Variants in KCNQ1 observed in about 807,000 individuals in gnomAD.
KCNQ1 encodes the protein potassium voltage-gated channel subfamily KQT member 1.
A neutral mutation model predicts 72.4 loss-of-function variants in KCNQ1; 49 were observed. The ratio of observed to expected loss-of-function variants is 0.68; its 90% CI spans 0.54 to 0.86. The LOEUF (loss-of-function observed/expected upper bound fraction) is 0.86, where lower values mean the gene tolerates loss of function less well. Among genes scored for constraint, KCNQ1 ranks in the 40% least tolerant of loss-of-function variants. The probability of loss-of-function intolerance (pLI) is 0.00; values close to 1 mark genes in which losing one functional copy is unlikely to be tolerated. For synonymous variants in KCNQ1, 450 were observed against 412.6 expected, an observed-to-expected ratio of 1.09 and a Z score of -1.10; for missense variants, 790 against 945.1, an observed-to-expected ratio of 0.84 and a Z score of 2.15.
At chr11:2,501,718 CAAAAAAAAAAAAAA>C (rs55865890) in intron 1 of KCNQ1, among the ~76,000 whole-genome samples, 32 of 68,908 alleles carry the variant, frequency 4.6e-4, no homozygotes, top group East Asian at 1.8e-3. Flanking sequence ...AAAGATACAT[CAAAAAAAAAAAAAA>C]AAAAAAAAAA....
At position 2,768,733 on chromosome 11, in the gene KCNQ1, C is replaced by T; in HGVS notation, c.1515-111C>T. 1.2e-6 allele frequency: 1 copy of T among 855,652 alleles called. No individual in the cohort carries two copies. Among genetic ancestry groups the T allele is most frequent in the Admixed American group, 1.8e-5 (1 of 55,062 alleles). 53.0% of individuals were successfully genotyped at this position (855,652 alleles called of 1,614,324 possible). A position where few individuals can be genotyped will look rare whatever the true frequency, so the allele number is the denominator to read the frequency against. On this transcript the variant is annotated intron_variant, in intron 11 of 15. Coordinates refer to ENST00000155840, the MANE Select transcript of KCNQ1 (RefSeq NM_000218.3). The surrounding 1 kb of genome is among the most constrained non-coding windows in gnomAD (Gnocchi z 6.7). ...CCATCCCATGGAGTTGAACACTCTC[C>T]TTGTTTCTGGAAGGATCCAGTCTGC...
rs1268799715 is a variant in KCNQ1, at chr11:2,471,476, C to T, written c.386+25992C>T. 6.6e-6 allele frequency among the ~76,000 whole-genome samples: 1 copy of T among 152,260 alleles called. No homozygotes were observed. Among genetic ancestry groups the T allele is most frequent in the Admixed American group, 6.5e-5 (1 of 15,290 alleles). On this transcript the variant is annotated intron_variant, in intron 1 of 15. Coordinates refer to ENST00000155840, the MANE Select transcript of KCNQ1 (RefSeq NM_000218.3). This position sits in a 1 kb window ranked among gnomAD's most constrained non-coding sequence, Gnocchi z 4.8. ...CCTGCGAGATCCATCTCGCCCCACA[C>T]ACCACCAGGTCCCCAGGACTTGGAG...
At position 2,734,673 on chromosome 11, in the gene KCNQ1, G is replaced by C. The variant is rs1006117682; in HGVS notation, c.1515-34171G>C. Among the ~76,000 whole-genome samples the C allele has an allele frequency of 1.3e-5, 2 of 152,012 alleles. No homozygotes were observed. The highest frequency in any genetic ancestry group is 4.8e-5 in the African/African-American group (2 of 41,380). On this transcript the variant is annotated intron_variant, in intron 11 of 15. Transcript: ENST00000155840. The surrounding 1 kb of genome is among the most constrained non-coding windows in gnomAD (Gnocchi z 7.0). Reference sequence around the variant, plus strand: ...CGGGGGTAGCTTCCTGAAGAGATGAGTCAGGTCCCAGGCACATTCAGTGCC... The same window carrying C: ...CGGGGGTAGCTTCCTGAAGAGATGACTCAGGTCCCAGGCACATTCAGTGCC...
At chr11:2,650,156 ACT>A (rs1443006133) in intron 10 of KCNQ1, 27 of 397,410 alleles carry the variant, frequency 6.8e-5, no homozygotes, top group East Asian at 1.1e-4. Flanking sequence ...TTCATATCTA[ACT>A]CTGCTGGATT....
chr11:2,556,473 C>T (rs1171016448), intron 2 of KCNQ1, among the ~76,000 whole-genome samples: 4 of 152,198 alleles, frequency 2.6e-5, no homozygotes, highest in East Asian at 1.9e-4. Flanking sequence ...GATTAGCACA[C>T]GGCCACGTGT....
chr11:2,564,557 T>C lies in KCNQ1; in HGVS notation c.478-6071T>C, dbSNP rs1347147944. ...TTGCAGTGAGCTGAGATGGTGCCAC[T>C]GCACTCCTGCCTGGGCAACAGAGCA... On this transcript the variant is annotated intron_variant, in intron 2 of 15. Transcript: ENST00000155840. The surrounding 1 kb of genome is among the most constrained non-coding windows in gnomAD (Gnocchi z 4.5). Among the ~76,000 whole-genome samples the C allele has an allele frequency of 6.6e-6, 1 of 152,254 alleles. No individual in the cohort carries two copies. Among genetic ancestry groups the C allele is most frequent in the African/African-American group, 2.4e-5 (1 of 41,464 alleles).
chr11:2,465,282 CA>C (rs1404570546), intron 1 of KCNQ1, among the ~76,000 whole-genome samples: 1 of 152,236 alleles, frequency 6.6e-6, no homozygotes, highest in Non-Finnish European at 1.5e-5. Context: ...ACCCCTTCTC[CA>C]AGGCCTGCCA....
Position 2,677,072 on chromosome 11 carries a change from A to T in KCNQ1, c.1514+14991A>T, listed in dbSNP as rs1017338556. 2.5e-6 allele frequency: 1 copy of T among 398,540 alleles called. No homozygotes were observed. Among genetic ancestry groups the T allele is most frequent in the African/African-American group, 2.1e-5 (1 of 48,624 alleles). 24.7% of individuals were successfully genotyped at this position (398,540 alleles called of 1,614,324 possible). The stretch of plus-strand genomic sequence containing the variant: ...AGCTAAAAAACAGCAGCCATTAACC[A>T]TTCAAATATATTCACTACTGAAATG... On this transcript the variant is annotated intron_variant, in intron 11 of 15. Transcript: ENST00000155840. The surrounding 1 kb of genome is among the most constrained non-coding windows in gnomAD (Gnocchi z 4.5).
At position 2,719,331 on chromosome 11, in the gene KCNQ1, C is replaced by CA. The variant is rs34225799; in HGVS notation, c.1515-49497dup. Among the ~76,000 whole-genome samples the CA allele has an allele frequency of 7.8e-4, 98 of 125,992 alleles. 5 individuals are homozygous for CA. The highest frequency in any genetic ancestry group is 1.6e-3 in the Admixed American group (20 of 12,212). 82.7% of individuals were successfully genotyped at this position (125,992 alleles called of 152,430 possible). On this transcript the variant is annotated intron_variant, in intron 11 of 15. Coordinates refer to ENST00000155840, the MANE Select transcript of KCNQ1 (RefSeq NM_000218.3). Reference sequence around the variant, plus strand: ...CAGTATAACGAGACTCTGTCTCTACCAAAAAAAAAAAAAAAAGAGCCATAC... The same window carrying CA: ...CAGTATAACGAGACTCTGTCTCTACCAAAAAAAAAAAAAAAAAGAGCCATAC...
rs970788479 is a variant in KCNQ1, at chr11:2,483,247, G to C, written c.386+37763G>C. Among the ~76,000 whole-genome samples, 1 of 152,126 alleles carries C rather than the reference G, an allele frequency of 6.6e-6. No homozygotes were observed. The highest frequency in any genetic ancestry group is 2.4e-5 in the African/African-American group (1 of 41,420). On this transcript the variant is annotated intron_variant, in intron 1 of 15. Transcript: ENST00000155840. This position sits in a 1 kb window ranked among gnomAD's most constrained non-coding sequence, Gnocchi z 6.1. ...AGGGTTAAGATCCTGAGAGCAATGC[G>C]GGGGGTGTGAGTGATGAGGGACAAC...
intron 2 of KCNQ1, among the ~76,000 whole-genome samples, chr11:2,553,606 G>A (rs554254623): frequency 6.6e-6 from 1 of 152,246 alleles, no homozygotes; most frequent in African/African-American, 2.4e-5. Flanking sequence ...CTTTCAAATA[G>A]CAAAGCAAAC....
In KCNQ1 at chr11:2,601,535, G is replaced by A. The variant is rs1848807364; in HGVS notation, c.1393+12681G>A. ...AGATGCAGAGTGCTCCCGTCGCCACGGGGTTCCCATTATTTGTCCTTTTAC... is the reference window on the plus strand; with the variant it reads ...AGATGCAGAGTGCTCCCGTCGCCACAGGGTTCCCATTATTTGTCCTTTTAC... On this transcript the variant is annotated intron_variant, in intron 10 of 15. Coordinates refer to ENST00000155840, the MANE Select transcript of KCNQ1 (RefSeq NM_000218.3). The surrounding 1 kb of genome is among the most constrained non-coding windows in gnomAD (Gnocchi z 5.2). 6.6e-6 allele frequency among the ~76,000 whole-genome samples: 1 copy of A among 152,080 alleles called. No individual in the cohort carries two copies. Among genetic ancestry groups the A allele is most frequent in the Non-Finnish European group, 1.5e-5 (1 of 68,016 alleles).
Position 2,588,747 on chromosome 11 carries a change from ATGGGGTGACTCC to A in KCNQ1, c.1290_1301del (p.Val431_Gly434del), listed in dbSNP as rs750178990. On this transcript the variant is annotated inframe_deletion, in exon 10 of 16. Coordinates refer to ENST00000155840, the MANE Select transcript of KCNQ1 (RefSeq NM_000218.3). This position sits in a 1 kb window ranked among gnomAD's most constrained non-coding sequence, Gnocchi z 5.6. Reference sequence around the variant, plus strand: ...AAAAAGTTCAAGCTGGACAAAGACAATGGGGTGACTCCTGGAGAGAAGATGCTCACAGTCCCC... The same window carrying A: ...AAAAAGTTCAAGCTGGACAAAGACAATGGAGAGAAGATGCTCACAGTCCCC... 1.7e-5 allele frequency: 28 copies of A among 1,613,634 alleles called. No homozygotes were observed. The highest frequency in any genetic ancestry group is 2.4e-5 in the Non-Finnish European group (28 of 1,179,960).
intron 15 of KCNQ1, among the ~76,000 whole-genome samples, chr11:2,842,915 T>C (rs1216480834): frequency 6.6e-6 from 1 of 152,168 alleles, no homozygotes; most frequent in Admixed American, 6.5e-5. Flanking sequence ...GCAGGGAAAC[T>C]GAGGTTCAGA....
At position 2,589,385 on chromosome 11, in the gene KCNQ1, C is replaced by T. The variant is rs1848641824; in HGVS notation, c.1393+531C>T. Among the ~76,000 whole-genome samples, 3 of 152,206 alleles carry T rather than the reference C, an allele frequency of 2.0e-5. No homozygotes were observed. The South Asian group carries it at 6.2e-4, about 32-fold the overall frequency. On this transcript the variant is annotated intron_variant, in intron 10 of 15. Coordinates refer to ENST00000155840, the MANE Select transcript of KCNQ1 (RefSeq NM_000218.3). ...TGGCTCGGATCTGCGTCCCTCCTCTCACCCCTGCAGCGGGGGCTGGGATGA... is the reference window on the plus strand; with the variant it reads ...TGGCTCGGATCTGCGTCCCTCCTCTTACCCCTGCAGCGGGGGCTGGGATGA...
At chr11:2,569,364 T>C (rs1225796597) in intron 2 of KCNQ1, among the ~76,000 whole-genome samples, 3 of 152,212 alleles carry the variant, frequency 2.0e-5, no homozygotes, top group Non-Finnish European at 2.9e-5. Context: ...TGCCGGATGG[T>C]GTAAGTATCA....
chr11:2,456,765 C>CAAA (rs61437708), intron 1 of KCNQ1, among the ~76,000 whole-genome samples: 39 of 31,980 alleles, frequency 1.2e-3, no homozygotes, highest in African/African-American at 2.1e-3. Flanking sequence ...ACTAAAAATC[C>CAAA]AAAAAAAAAA....
At chr11:2,694,473 C>A in intron 11 of KCNQ1, 1 of 398,636 alleles carries the variant, frequency 2.5e-6, no homozygotes, top group East Asian at 3.6e-5. Context: ...AACAAAGATA[C>A]ATCCTGTCCC....
chr11:2,797,177 G>A (rs528186104), intron 15 of KCNQ1, among the ~76,000 whole-genome samples: 74 of 152,296 alleles, frequency 4.9e-4, no homozygotes, highest in African/African-American at 1.8e-3. Flanking sequence ...GTGGCGGGGG[G>A]GAGGCCCTGT....
Sources: allele counts gnomAD v4.1 joint callset (sites outside exome capture counted in the v4.1 genomes callset), GRCh38; gene constraint gnomAD v4.1.1; non-coding constraint Gnocchi (gnomAD v3.1); transcripts MANE v1.5; gene names NCBI Gene and HGNC (gene_info 2026-07-23, HGNC 2026-07-21).